SLC35F3: variants seen among roughly 807,000 people sequenced by gnomAD.
SLC35F3 encodes putative thiamine transporter SLC35F3.
SLC35F3 carries 25 observed loss-of-function variants against 49.9 expected under a neutral mutation model. The observed-to-expected ratio is 0.50, with a 90% CI of 0.37 to 0.70. The LOEUF (loss-of-function observed/expected upper bound fraction) is 0.70. SLC35F3 is among the 30% of genes least tolerant of loss of function. SLC35F3 has a pLI of 0.00. For synonymous variants in SLC35F3, 275 were observed against 265.4 expected, an observed-to-expected ratio of 1.04 and a Z score of -0.35; for missense variants, 525 against 639.8, an observed-to-expected ratio of 0.82 and a Z score of 1.94.
chr1:234,156,257 A>G (rs2102911174), intron 2 of SLC35F3, among the ~76,000 whole-genome samples: 1 of 152,330 alleles, frequency 6.6e-6, no homozygotes, highest in African/African-American at 2.4e-5. Flanking sequence ...GGAGTCTGGG[A>G]GAATGTGGTA....
chr1:233,944,038 C>T (rs565618038), intron 2 of SLC35F3, among the ~76,000 whole-genome samples: 1 of 152,144 alleles, frequency 6.6e-6, no homozygotes, highest in Non-Finnish European at 1.5e-5. Context: ...ACAGCTAAGT[C>T]AGTGTTAAGA....
At chr1:234,021,377 C>A (rs1044678554) in intron 2 of SLC35F3, among the ~76,000 whole-genome samples, 1 of 152,166 alleles carries the variant, frequency 6.6e-6, no homozygotes, top group African/African-American at 2.4e-5. Context: ...AACCCGAAGA[C>A]CCCAATCAAT....
At chr1:234,220,809 A>G (rs1394622494) in intron 2 of SLC35F3, among the ~76,000 whole-genome samples, 2 of 152,214 alleles carry the variant, frequency 1.3e-5, no homozygotes, top group Admixed American at 1.3e-4. Flanking sequence ...AACAGTGAAG[A>G]TAGGAAGGGA....
chr1:233,944,213 A>G (rs1011088611), intron 2 of SLC35F3, among the ~76,000 whole-genome samples: 19 of 152,248 alleles, frequency 1.2e-4, no homozygotes, highest in African/African-American at 4.3e-4. Flanking sequence ...GGAGATTGAG[A>G]CACAAAAAAA....
chr1:234,213,732 CT>C (rs1667073403), intron 2 of SLC35F3: 1 of 152,272 alleles, frequency 6.6e-6, no homozygotes, highest in African/African-American at 2.4e-5. Flanking sequence ...GATCTCCAGA[CT>C]GAGGCGGTGG....
At chr1:234,296,413 A>C (rs2281600) in intron 3 of SLC35F3, among the ~76,000 whole-genome samples, 4,043 of 152,208 alleles carry the variant, frequency 0.027, 369 homozygotes, top group East Asian at 0.18. Context: ...ATTTTAATGG[A>C]CTCTTTAGAA....
intron 2 of SLC35F3, among the ~76,000 whole-genome samples, chr1:234,178,603 C>T (rs559416406): frequency 6.6e-6 from 1 of 152,270 alleles, no homozygotes; most frequent in South Asian, 2.1e-4. Flanking sequence ...CATTTGCTAC[C>T]ATTCATGAAC....
chr1:233,997,978 C>G (rs1415524730), intron 2 of SLC35F3, among the ~76,000 whole-genome samples: 1 of 152,156 alleles, frequency 6.6e-6, no homozygotes, highest in African/African-American at 2.4e-5. Flanking sequence ...TCTCGAACTC[C>G]TGACCTCAGG....
At chr1:234,147,860 G>C (rs969222426) in intron 2 of SLC35F3, among the ~76,000 whole-genome samples, 3 of 152,228 alleles carry the variant, frequency 2.0e-5, no homozygotes, top group African/African-American at 7.2e-5. Context: ...AGTCTCTTGA[G>C]TGGCTTGTTC....
intron 2 of SLC35F3, among the ~76,000 whole-genome samples, chr1:234,223,525 C>A (rs1490280743): frequency 6.6e-6 from 1 of 152,228 alleles, no homozygotes; most frequent in Non-Finnish European, 1.5e-5. Context: ...CTACACACTG[C>A]CTCCAGAAAT....
In SLC35F3 at chr1:234,309,138, T is replaced by C. The variant is rs1657286611; in HGVS notation, c.646T>C (p.Leu216=). ...ATTTTTTGGAGACAATGGCTTGACT[T>C]TGAAGGTGTTTTTTACCAAGGCAGC... ...CRFFGDNGLT[L]KVFFTKAAPF... The change falls in exon 4 of 8, where the codon TTG becomes CTG. Residue 216 remains leucine, a synonymous_variant. Transcript: ENST00000366618. 6.2e-7 allele frequency: 1 copy of C among 1,614,180 alleles called. No homozygotes were observed. The highest frequency in any genetic ancestry group is 1.7e-4 in the Middle Eastern group (1 of 6,060).
At chr1:234,267,495 G>A (rs1668006326) in intron 3 of SLC35F3, among the ~76,000 whole-genome samples, 1 of 149,016 alleles carries the variant, frequency 6.7e-6, no homozygotes, top group African/African-American at 2.5e-5. Context: ...GGGGCGGCTG[G>A]CCGGGCGGGG....
chr1:234,098,872 T>C (rs1224920525), intron 2 of SLC35F3, among the ~76,000 whole-genome samples: 11 of 151,732 alleles, frequency 7.2e-5, no homozygotes, highest in Non-Finnish European at 1.5e-5. Context: ...ATGGCGGTGG[T>C]AGTGACGGTG....
chr1:234,229,836 A>G (rs1029316772), intron 2 of SLC35F3, among the ~76,000 whole-genome samples: 1 of 152,158 alleles, frequency 6.6e-6, no homozygotes, highest in African/African-American at 2.4e-5. Context: ...TGAAACTGCA[A>G]TTGCATTAAG....
At chr1:234,070,924 T>A (rs560126815) in intron 2 of SLC35F3, among the ~76,000 whole-genome samples, 117 of 152,330 alleles carry the variant, frequency 7.7e-4, no homozygotes, top group Non-Finnish European at 1.2e-3. Flanking sequence ...CTAGGAAGAA[T>A]CTGAGAGCTT....
At chr1:234,045,105 A>G (rs1664270911) in intron 2 of SLC35F3, among the ~76,000 whole-genome samples, 1 of 152,188 alleles carries the variant, frequency 6.6e-6, no homozygotes, top group Non-Finnish European at 1.5e-5. Context: ...ACCTGTCAGT[A>G]GAAGGGGTTT....
intron 2 of SLC35F3, among the ~76,000 whole-genome samples, chr1:234,062,718 C>T (rs1257096112): frequency 3.3e-5 from 5 of 150,134 alleles, no homozygotes; most frequent in South Asian, 2.1e-4. Context: ...CTTGCTCTGT[C>T]GCCCAGGCTG....
At chr1:234,257,503 G>C (rs1449264077) in intron 3 of SLC35F3, among the ~76,000 whole-genome samples, 1 of 152,190 alleles carries the variant, frequency 6.6e-6, no homozygotes, top group African/African-American at 2.4e-5. Context: ...TTTGCACACA[G>C]CAAAAGAAGA....
intron 3 of SLC35F3, among the ~76,000 whole-genome samples, chr1:234,267,798 C>T (rs1191445960): frequency 1.7e-5 from 2 of 116,568 alleles, no homozygotes; most frequent in African/African-American, 6.0e-5. Flanking sequence ...CGGGCAGAGA[C>T]GCTCCTCACC....
Sources: gnomAD v4.1 joint callset for allele counts (sites outside exome capture counted in the v4.1 genomes callset) on GRCh38, gnomAD v4.1.1 for gene constraint, MANE v1.5 for transcripts, NCBI Gene and HGNC (gene_info 2026-07-23, HGNC 2026-07-21) for gene names.